Variants in ARL3 observed in about 807,000 individuals in gnomAD.
The protein encoded by ARL3 is ADP-ribosylation factor-like protein 3.
ARL3 carries 9 observed loss-of-function variants against 26.0 expected under a neutral mutation model. The ratio of observed to expected loss-of-function variants is 0.35; its 90% CI spans 0.21 to 0.60. The LOEUF is 0.60. ARL3 is among the 20% of genes least tolerant of loss of function. The pLI is 0.78. For missense variants in ARL3, 158 were observed against 215.7 expected, an observed-to-expected ratio of 0.73 and a Z score of 1.67; for synonymous variants, 71 against 78.4, an observed-to-expected ratio of 0.91 and a Z score of 0.50.
intron 5 of ARL3, 119 bp from the exon 6 acceptor site, chr10:102,677,060 G>C: frequency 8.4e-7 from 1 of 1,187,312 alleles, no homozygotes; most frequent in Non-Finnish European, 1.2e-6. Context: ...GCCAGCTTTA[G>C]GGAGTTTGCT....
chr10:102,680,305 G>A (rs117714998), intron 5 of ARL3, among the ~76,000 whole-genome samples: 1,903 of 152,194 alleles, frequency 0.013, 21 homozygotes, highest in South Asian at 0.031. Flanking sequence ...TCATTATGGG[G>A]ATGACGATCT....
At chr10:102,708,076 A>C (rs892499130) in intron 1 of ARL3, among the ~76,000 whole-genome samples, 2 of 151,538 alleles carry the variant, frequency 1.3e-5, no homozygotes, top group Non-Finnish European at 2.9e-5. Flanking sequence ...ACCACGCCCC[A>C]CTAAGTTTTG....
At chr10:102,692,095 A>G (rs1456844928) in intron 3 of ARL3, among the ~76,000 whole-genome samples, 1 of 152,206 alleles carries the variant, frequency 6.6e-6, no homozygotes, top group Admixed American at 6.5e-5. Context: ...TTGTACGTTA[A>G]TTCCCAGGTA....
At chr10:102,709,642 G>A (rs2064327627) in intron 1 of ARL3, among the ~76,000 whole-genome samples, 2 of 38,278 alleles carry the variant, frequency 5.2e-5, no homozygotes, top group African/African-American at 1.2e-4. Flanking sequence ...GCAAGACTCT[G>A]TCTCAAAAAA....
chr10:102,683,888 T>C (rs1036672623), intron 5 of ARL3, among the ~76,000 whole-genome samples: 1 of 152,144 alleles, frequency 6.6e-6, no homozygotes, highest in African/African-American at 2.4e-5. Context: ...AGCAGTGTCC[T>C]TGACTTTAAA....
rs761575915 is a variant in ARL3, at chr10:102,705,327, G to A, written c.147+19C>T. 6.5e-7 allele frequency: 1 copy of A among 1,537,766 alleles called. No individual in the cohort carries two copies. The highest frequency in any genetic ancestry group is 8.8e-7 in the Non-Finnish European group (1 of 1,131,232). ...GTCTTCCTGTGTCACACGGCATCTG[G>A]AGCCAAGGCAGTGCTCACCTGTGTA... is the stretch of plus-strand genomic sequence containing the variant. On this transcript the variant is annotated intron_variant, in intron 2 of 5. Coordinates refer to ENST00000260746, the MANE Select transcript of ARL3 (RefSeq NM_004311.4).
rs1258247041 is a variant in ARL3 at position 102,700,690 on chromosome 10, T to G, written c.148-1201A>C. ...CATATTGGTCAGGCTGGTCTCAAAC[T>G]CCTGACCTCATGATCCGCCCACCTT... On this transcript the variant is annotated intron_variant, in intron 2 of 5. Coordinates refer to ENST00000260746, the MANE Select transcript of ARL3 (RefSeq NM_004311.4). Among the ~76,000 whole-genome samples the G allele has an allele frequency of 2.0e-5, 3 of 150,490 alleles. No individual in the cohort carries two copies. The East Asian group carries it at 5.9e-4, about 30-fold the overall frequency.
intron 3 of ARL3, 78 bp downstream of exon 3, chr10:102,699,295 G>T: frequency 1.1e-6 from 1 of 893,910 alleles, no homozygotes; most frequent in Non-Finnish European, 1.8e-6. Flanking sequence ...TTACTGACAA[G>T]AAAGAATGTT....
intron 3 of ARL3, among the ~76,000 whole-genome samples, chr10:102,692,943 G>A (rs1564731096): frequency 6.6e-6 from 1 of 152,064 alleles, no homozygotes; most frequent in Non-Finnish European, 1.5e-5. Context: ...TGATCTGCCC[G>A]CCTTGGCCTC....
intron 3 of ARL3, among the ~76,000 whole-genome samples, chr10:102,699,048 C>T (rs370522540): frequency 6.6e-6 from 1 of 152,178 alleles, no homozygotes; most frequent in South Asian, 2.1e-4. Flanking sequence ...ACACTTGATT[C>T]GTTGTCTTCC....
chr10:102,686,070 ACTT>A, intron 4 of ARL3, 69 bp from the exon 5 acceptor site: 1 of 1,146,816 alleles, frequency 8.7e-7, no homozygotes, highest in East Asian at 2.7e-5. Context: ...ACCATACACT[ACTT>A]TTTTTTTTTT....
intron 1 of ARL3, among the ~76,000 whole-genome samples, chr10:102,711,514 G>A (rs888840350): frequency 1.3e-5 from 2 of 152,062 alleles, no homozygotes; most frequent in African/African-American, 4.8e-5. Flanking sequence ...CACTTTGGGA[G>A]GCCGAGGCGG....
At chr10:102,683,834 A>T (rs1357781817) in intron 5 of ARL3, among the ~76,000 whole-genome samples, 14 of 152,068 alleles carry the variant, frequency 9.2e-5, no homozygotes, top group Admixed American at 5.9e-4. Flanking sequence ...GGGGGTTGGG[A>T]AGAAAATGAC....
chr10:102,705,907 T>C (rs2064308535), intron 1 of ARL3, among the ~76,000 whole-genome samples: 3 of 152,172 alleles, frequency 2.0e-5, no homozygotes, highest in Admixed American at 2.0e-4. Context: ...CCATAATGCC[T>C]GGCACTTATC....
At chr10:102,707,294 T>C (rs928731694) in intron 1 of ARL3, among the ~76,000 whole-genome samples, 4 of 150,164 alleles carry the variant, frequency 2.7e-5, no homozygotes, top group Admixed American at 2.7e-4. Flanking sequence ...TGAGACTCTG[T>C]CTCAAAAAGA....
At chr10:102,701,983 G>C (rs2064282008) in intron 2 of ARL3, among the ~76,000 whole-genome samples, 1 of 146,768 alleles carries the variant, frequency 6.8e-6, no homozygotes, top group South Asian at 2.1e-4. Context: ...AGGAGTTCAA[G>C]GCCAGCCTGG....
Position 102,675,370 on chromosome 10 carries a change from G to A in ARL3, c.*1524C>T, listed in dbSNP as rs1306963323. ...TAGCCAGAAGCAGCTGGGTATTGAGGGCCAGGGGCTGCAGCGGCCCCTTCA... is the reference window on the plus strand; with the variant it reads ...TAGCCAGAAGCAGCTGGGTATTGAGAGCCAGGGGCTGCAGCGGCCCCTTCA... On this transcript the variant is annotated 3_prime_UTR_variant, in exon 6 of 6. Transcript: ENST00000260746. The A allele has an allele frequency of 6.6e-6, 1 of 152,178 alleles. No homozygotes were observed. Among genetic ancestry groups the A allele is most frequent in the South Asian group, 2.1e-4 (1 of 4,830 alleles). 9.4% of individuals were successfully genotyped at this position (152,178 alleles called of 1,614,324 possible).
At chr10:102,703,767 G>T (rs977634538) in intron 2 of ARL3, among the ~76,000 whole-genome samples, 1 of 151,654 alleles carries the variant, frequency 6.6e-6, no homozygotes, top group Admixed American at 6.6e-5. Context: ...AAACCTCCAC[G>T]CTGTGAGCAC....
At chr10:102,689,837 A>G (rs997895713) in intron 4 of ARL3, 56 bp downstream of exon 4, 7 of 1,213,014 alleles carry the variant, frequency 5.8e-6, no homozygotes, top group Non-Finnish European at 6.9e-6. Flanking sequence ...CTCAAAAAAA[A>G]AAAAGTACAT....
Sources: gnomAD v4.1 joint callset for allele counts (sites outside exome capture counted in the v4.1 genomes callset) on GRCh38, gnomAD v4.1.1 for gene constraint, MANE v1.5 for transcripts, NCBI Gene and HGNC (gene_info 2026-07-23, HGNC 2026-07-21) for gene names.